Variants in MGST1 observed in about 807,000 individuals in gnomAD.
MGST1 encodes microsomal glutathione S-transferase 1.
Under a neutral mutation model 8.9 loss-of-function variants are expected in MGST1, and 5 were observed. The observed-to-expected ratio is 0.56, with a 90% CI of 0.29 to 1.19. The LOEUF (loss-of-function observed/expected upper bound fraction) is 1.19. MGST1 is among the 50% of genes most tolerant of loss of function. The probability of loss-of-function intolerance (pLI) is 0.08; values close to 1 mark genes in which losing one functional copy is unlikely to be tolerated. For missense variants in MGST1, 182 were observed against 187.4 expected (o/e 0.97, Z 0.17); for synonymous variants, 54 against 67.8 (o/e 0.80, Z 1.00).
At position 16,497,385 on chromosome 12, in the gene MGST1, A is replaced by C. The variant is rs1941477788; in HGVS notation, n.483-92143A>C. 6.6e-6 allele frequency among the ~76,000 whole-genome samples: 1 copy of C among 152,180 alleles called. No homozygotes were observed. Among genetic ancestry groups the C allele is most frequent in the Admixed American group, 6.6e-5 (1 of 15,246 alleles). ...AGGGAAGCAACAGCAGCAAATGGAA[A>C]AGGAGCAAAAAGCTCATTAAAGCAA... is the stretch of plus-strand genomic sequence containing the variant. On this transcript the variant is annotated intron_variant and non_coding_transcript_variant, in intron 4 of 4. Transcript: ENST00000538857. The surrounding 1 kb of genome is among the most constrained non-coding windows in gnomAD (Gnocchi z 4.4).
chr12:16,572,596 T>TA (rs1192312869), intron 4 of MGST1, among the ~76,000 whole-genome samples: 4 of 149,610 alleles, frequency 2.7e-5, no homozygotes, highest in African/African-American at 9.7e-5. Context: ...GAGTATGTGT[T>TA]AGGGTGTGTA....
At chr12:16,501,996 G>T (rs1200789895) in intron 4 of MGST1, among the ~76,000 whole-genome samples, 1 of 152,088 alleles carries the variant, frequency 6.6e-6, no homozygotes, top group African/African-American at 2.4e-5. Context: ...TTAAACAGAA[G>T]TGAATTAAAT....
chr12:16,560,445 C>A lies in MGST1; in HGVS notation n.483-29083C>A, dbSNP rs1212786649. The A allele has an allele frequency of 6.2e-7, 1 of 1,613,794 alleles. No homozygotes were observed. The highest frequency in any genetic ancestry group is 1.1e-5 in the South Asian group (1 of 91,066). ...TACAAAGCTGACATGCAAAGCAGTCCAGGTGGTAAACATTGTCCTTGGCAC... is the reference window on the plus strand; with the variant it reads ...TACAAAGCTGACATGCAAAGCAGTCAAGGTGGTAAACATTGTCCTTGGCAC... On this transcript the variant is annotated intron_variant and non_coding_transcript_variant, in intron 4 of 4. Transcript: ENST00000538857. The surrounding 1 kb of genome is among the most constrained non-coding windows in gnomAD (Gnocchi z 5.0).
At chr12:16,394,428 C>T (rs1940582069) in intron 1 of MGST1, among the ~76,000 whole-genome samples, 1 of 149,998 alleles carries the variant, frequency 6.7e-6, no homozygotes, top group Admixed American at 6.6e-5. Context: ...CTCTCTTCCT[C>T]CCTCCCTCCC....
At chr12:16,475,919 C>T (rs1941319765) in intron 4 of MGST1, among the ~76,000 whole-genome samples, 1 of 151,962 alleles carries the variant, frequency 6.6e-6, no homozygotes, top group Admixed American at 6.6e-5. Flanking sequence ...GCAAACACTA[C>T]CTTCTGGCTG....
In MGST1 at chr12:16,458,814, G is replaced by C. The variant is rs1157369217; in HGVS notation, n.482+75210G>C. The stretch of plus-strand genomic sequence containing the variant: ...TTTATTCTTCTTTATTAGATACAAG[G>C]TTTCCCTCCATCAAGGTTAAGTACA... On this transcript the variant is annotated intron_variant and non_coding_transcript_variant, in intron 4 of 4. Transcript: ENST00000538857. The surrounding 1 kb of genome is among the most constrained non-coding windows in gnomAD (Gnocchi z 4.0). 6.6e-6 allele frequency among the ~76,000 whole-genome samples: 1 copy of C among 151,984 alleles called. No homozygotes were observed. The highest frequency in any genetic ancestry group is 1.5e-5 in the Non-Finnish European group (1 of 67,946).
At chr12:16,525,976 CT>C (rs1941683870) in intron 4 of MGST1, among the ~76,000 whole-genome samples, 4 of 149,586 alleles carry the variant, frequency 2.7e-5, no homozygotes, top group Admixed American at 2.7e-4. Context: ...CCTTCGCCCA[CT>C]TTTTGATGGG....
At chr12:16,360,020 C>T (rs1591700050) in intron 3 of MGST1, among the ~76,000 whole-genome samples, 1 of 152,252 alleles carries the variant, frequency 6.6e-6, no homozygotes, top group African/African-American at 2.4e-5. Flanking sequence ...AACAATTGAC[C>T]CCAGTTCTGT....
chr12:16,457,354 T>C (rs890828880), intron 4 of MGST1, among the ~76,000 whole-genome samples: 1 of 151,960 alleles, frequency 6.6e-6, no homozygotes, highest in Non-Finnish European at 1.5e-5. Context: ...GTCGTATTAA[T>C]TCAAAGTTGG....
At chr12:16,433,480 AG>A (rs1940956930) in intron 1 of MGST1, among the ~76,000 whole-genome samples, 1 of 152,086 alleles carries the variant, frequency 6.6e-6, no homozygotes, top group Non-Finnish European at 1.5e-5. Context: ...TTAGGGCTGA[AG>A]GTAGGAAAAA....
chr12:16,417,475 A>G (rs1001189173), intron 1 of MGST1, among the ~76,000 whole-genome samples: 6 of 152,158 alleles, frequency 3.9e-5, no homozygotes, highest in African/African-American at 1.4e-4. Context: ...GACCATATCA[A>G]CTTAGCTGTA....
At chr12:16,411,665 G>A (rs551144976) in intron 1 of MGST1, among the ~76,000 whole-genome samples, 5 of 152,220 alleles carry the variant, frequency 3.3e-5, no homozygotes, top group African/African-American at 1.2e-4. Flanking sequence ...TCATAATGAA[G>A]TTGTTTTCTA....
rs79086078 is a variant in MGST1, at chr12:16,390,747, T to A, written n.778+7143T>A. Among the ~76,000 whole-genome samples, 7 of 152,316 alleles carry A rather than the reference T, an allele frequency of 4.6e-5. No homozygotes were observed. The East Asian group carries it at 1.2e-3, about 25-fold the overall frequency. On this transcript the variant is annotated intron_variant and non_coding_transcript_variant, in intron 1 of 1. Coordinates refer to the MGST1 transcript ENST00000359720. The stretch of plus-strand genomic sequence containing the variant: ...TAGGTTGATTCCCTGTCATTGCTAT[T>A]GTAAAGAGTGCTGCAATGAACATTC...
chr12:16,351,481 C>G (rs146554202), intron 1 of MGST1, among the ~76,000 whole-genome samples: 1 of 152,054 alleles, frequency 6.6e-6, no homozygotes, highest in African/African-American at 2.4e-5. Context: ...TTCTGTTTGC[C>G]TAAATCCAAG....
chr12:16,557,807 G>A (rs1966437), intron 4 of MGST1, among the ~76,000 whole-genome samples: 2 of 151,980 alleles, frequency 1.3e-5, no homozygotes, highest in African/African-American at 4.8e-5. Flanking sequence ...AATTCAGAGA[G>A]ATTAAGTAAC....
intron 4 of MGST1, among the ~76,000 whole-genome samples, chr12:16,530,034 A>G (rs1266716527): frequency 6.6e-6 from 1 of 152,106 alleles, no homozygotes; most frequent in Non-Finnish European, 1.5e-5. Flanking sequence ...GGAAATTTTC[A>G]CAACTCAGAG....
Position 16,413,771 on chromosome 12 carries a change from C to T in MGST1, n.779-23617C>T, listed in dbSNP as rs570028611. 1.2e-4 allele frequency among the ~76,000 whole-genome samples: 19 copies of T among 152,112 alleles called. No individual in the cohort carries two copies. The East Asian group carries it at 3.1e-3, about 25-fold the overall frequency. On this transcript the variant is annotated intron_variant and non_coding_transcript_variant, in intron 1 of 1. Transcript: ENST00000359720. The surrounding 1 kb of genome is among the most constrained non-coding windows in gnomAD (Gnocchi z 4.0). ...GCCAGTATTTGTTTACATTTGTTTC[C>T]ACTTCTAGACTATGCAATTAATAGT... is the stretch of plus-strand genomic sequence containing the variant.
intron 4 of MGST1, among the ~76,000 whole-genome samples, chr12:16,488,082 G>C (rs143706450): frequency 1.2e-4 from 19 of 152,132 alleles, no homozygotes; most frequent in Non-Finnish European, 2.8e-4. Context: ...TGCAGTAACC[G>C]TTAGAAGAAT....
chr12:16,589,134 A>T lies in MGST1; in HGVS notation n.483-394A>T, dbSNP rs1753478040. On this transcript the variant is annotated intron_variant and non_coding_transcript_variant, in intron 4 of 4. Transcript: ENST00000538857. This position sits in a 1 kb window ranked among gnomAD's most constrained non-coding sequence, Gnocchi z 4.2. ...GACATGCCTCTAAGATCTACGAATTAGATGTAACCTCACCCAGTTTGGAAG... is the reference window on the plus strand; with the variant it reads ...GACATGCCTCTAAGATCTACGAATTTGATGTAACCTCACCCAGTTTGGAAG... Among the ~76,000 whole-genome samples, 1 of 152,118 alleles carries T rather than the reference A, an allele frequency of 6.6e-6. No individual in the cohort carries two copies. The highest frequency in any genetic ancestry group is 2.4e-5 in the African/African-American group (1 of 41,436).
Sources: gnomAD v4.1 joint callset for allele counts (sites outside exome capture counted in the v4.1 genomes callset) on GRCh38, gnomAD v4.1.1 for gene constraint, Gnocchi (gnomAD v3.1) non-coding constraint, MANE v1.5 for transcripts, NCBI Gene and HGNC (gene_info 2026-07-23, HGNC 2026-07-21) for gene names.